The following SAMD12 variants were observed in gnomAD, a reference collection of about 807,000 sequenced individuals.
The protein encoded by SAMD12 is sterile alpha motif domain containing 12, also known as sterile alpha motif domain-containing protein 12.
Under a neutral mutation model 15.0 loss-of-function variants are expected in SAMD12, and 9 were observed. That is an observed-to-expected ratio of 0.60 (90% CI 0.36 to 1.05). SAMD12 has a LOEUF of 1.05. SAMD12 is among the 50% of genes least tolerant of loss of function. The pLI is 0.01. For synonymous variants in SAMD12, 86 were observed against 90.1 expected (o/e 0.96, Z 0.25); for missense variants, 230 against 234.2 (o/e 0.98, Z 0.12).
At chr8:118,548,597 G>C (rs940776145) in intron 2 of SAMD12, among the ~76,000 whole-genome samples, 1 of 152,230 alleles carries the variant, frequency 6.6e-6, no homozygotes, top group African/African-American at 2.4e-5. Context: ...CAGCGTGAGC[G>C]ACGCAGAAGA....
downstream of SAMD12, among the ~76,000 whole-genome samples, chr8:118,373,004 A>C (rs868644564): frequency 6.6e-6 from 1 of 152,116 alleles, no homozygotes; most frequent in Non-Finnish European, 1.5e-5. Context: ...GTAGTAATAA[A>C]AGGAGCTGAC....
chr8:118,489,283 C>T lies in SAMD12; in HGVS notation c.193-49322G>A, dbSNP rs533215985. Among the ~76,000 whole-genome samples the T allele has an allele frequency of 1.4e-3, 210 of 152,134 alleles. 1 individual carries two copies. The highest frequency in any genetic ancestry group is 2.3e-3 in the Non-Finnish European group (156 of 67,994). On this transcript the variant is annotated intron_variant, in intron 2 of 3. Coordinates refer to ENST00000314727, the MANE Select transcript of SAMD12 (RefSeq NM_207506.3). ...ATGTATTGCAAATATCTTCAGCTAGCCTGTGACTTGTCTTTTTATTCTGCC... is the reference window on the plus strand; with the variant it reads ...ATGTATTGCAAATATCTTCAGCTAGTCTGTGACTTGTCTTTTTATTCTGCC...
At chr8:118,585,142 C>T (rs188553142) in intron 1 of SAMD12, among the ~76,000 whole-genome samples, 44 of 152,240 alleles carry the variant, frequency 2.9e-4, no homozygotes, top group African/African-American at 1.0e-3. Flanking sequence ...CTCATCCATA[C>T]TACAACATGC....
chr8:118,211,141 G>A (rs1811813621), intron 4 of SAMD12, among the ~76,000 whole-genome samples: 1 of 152,156 alleles, frequency 6.6e-6, no homozygotes, highest in South Asian at 2.1e-4. Flanking sequence ...AGATATGGCT[G>A]GGAATTCTGC....
At chr8:118,293,149 C>T (rs1363166960) in intron 4 of SAMD12, among the ~76,000 whole-genome samples, 1 of 152,034 alleles carries the variant, frequency 6.6e-6, no homozygotes, top group African/African-American at 2.4e-5. Context: ...AAACATTAAG[C>T]AACATCTCTA....
chr8:118,589,294 G>A (rs941922623), intron 1 of SAMD12, among the ~76,000 whole-genome samples: 8 of 152,132 alleles, frequency 5.3e-5, no homozygotes, highest in Admixed American at 1.3e-4. Context: ...ACAGCCAGAC[G>A]TTCAAACCAC....
At chr8:118,206,391 T>A (rs972724342) in intron 4 of SAMD12, among the ~76,000 whole-genome samples, 1 of 152,182 alleles carries the variant, frequency 6.6e-6, no homozygotes, top group African/African-American at 2.4e-5. Context: ...AAATCCTGGA[T>A]ATAATACAGT....
intron 1 of SAMD12, among the ~76,000 whole-genome samples, chr8:118,598,729 T>C (rs1563604889): frequency 6.6e-6 from 1 of 152,144 alleles, no homozygotes; most frequent in Non-Finnish European, 1.5e-5. Flanking sequence ...CTCAAAGAGA[T>C]TAAGTTATTT....
chr8:118,273,628 T>A (rs1353471794), intron 4 of SAMD12, among the ~76,000 whole-genome samples: 1 of 152,150 alleles, frequency 6.6e-6, no homozygotes, highest in Admixed American at 6.6e-5. Context: ...GGCCCCATGA[T>A]GAACTCTGAG....
intron 1 of SAMD12, among the ~76,000 whole-genome samples, chr8:118,617,888 C>G (rs1373577733): frequency 6.6e-6 from 1 of 152,154 alleles, no homozygotes; most frequent in Non-Finnish European, 1.5e-5. Flanking sequence ...CAACCCATTT[C>G]TGTTAGAAAA....
At chr8:118,445,190 C>T (rs933617239) in intron 2 of SAMD12, among the ~76,000 whole-genome samples, 8 of 152,130 alleles carry the variant, frequency 5.3e-5, no homozygotes, top group Admixed American at 2.0e-4. Context: ...CACAACAAAC[C>T]ATTAATGTCT....
chr8:118,523,010 A>T (rs1261330502), intron 2 of SAMD12, among the ~76,000 whole-genome samples: 1 of 152,180 alleles, frequency 6.6e-6, no homozygotes, highest in Non-Finnish European at 1.5e-5. Flanking sequence ...TCTCTAGCTG[A>T]AAATGCAATT....
chr8:118,177,617 G>A, the SAMD12 span, among the ~76,000 whole-genome samples: 4 of 152,188 alleles, frequency 2.6e-5, no homozygotes. Flanking sequence ...CAGCATTTTG[G>A]GAGGCCGAGG....
intron 4 of SAMD12, among the ~76,000 whole-genome samples, chr8:118,307,789 A>T (rs1815420316): frequency 7.7e-6 from 1 of 129,454 alleles, no homozygotes; most frequent in African/African-American, 3.7e-5. Context: ...GCGCTCCTAG[A>T]TGCTGACCTG....
At chr8:118,536,100 C>T (rs904080836) in intron 2 of SAMD12, among the ~76,000 whole-genome samples, 6 of 151,874 alleles carry the variant, frequency 4.0e-5, no homozygotes, top group East Asian at 3.9e-4. Context: ...CTCCCCTGTA[C>T]CCAAGTTAAT....
At chr8:118,349,989 G>C (rs192734736) in intron 4 of SAMD12, among the ~76,000 whole-genome samples, 9 of 152,052 alleles carry the variant, frequency 5.9e-5, no homozygotes, top group Admixed American at 5.9e-4. Flanking sequence ...CTAGCCAGCC[G>C]TGGTGGTACA....
chr8:118,386,070 G>A (rs1586643846), intron 3 of SAMD12, among the ~76,000 whole-genome samples: 1 of 152,172 alleles, frequency 6.6e-6, no homozygotes, highest in African/African-American at 2.4e-5. Flanking sequence ...GAAAAGGTGA[G>A]GGATAATTGA....
chr8:118,404,977 T>C (rs1017304167), intron 3 of SAMD12, among the ~76,000 whole-genome samples: 3 of 152,162 alleles, frequency 2.0e-5, no homozygotes, highest in Non-Finnish European at 4.4e-5. Flanking sequence ...ATGGTACCCT[T>C]ATAAGCTCTT....
intron 2 of SAMD12, among the ~76,000 whole-genome samples, chr8:118,456,584 G>C (rs1306011319): frequency 2.0e-5 from 3 of 152,170 alleles, no homozygotes; most frequent in African/African-American, 7.2e-5. Context: ...CCATGTATCT[G>C]TTCCTGTTCC....
Sources: allele counts gnomAD v4.1 joint callset (sites outside exome capture counted in the v4.1 genomes callset), GRCh38; gene constraint gnomAD v4.1.1; transcripts MANE v1.5; gene names NCBI Gene and HGNC (gene_info 2026-07-23, HGNC 2026-07-21).